The following RYR2 variants were observed in gnomAD, a reference collection of about 807,000 sequenced individuals.
The protein encoded by RYR2 is cardiac muscle ryanodine receptor-calcium release channel.
In RYR2, 227 loss-of-function variants were observed where a neutral mutation model predicts 601.1. The observed-to-expected ratio is 0.38, with a 90% CI of 0.34 to 0.42. RYR2 has a LOEUF of 0.42. Ranked by LOEUF, RYR2 falls within the 10% of genes least tolerant of loss-of-function variation. The pLI is 1.00. For missense variants in RYR2, 4,646 were observed against 6,156.5 expected (o/e 0.75, Z 8.21); for synonymous variants, 2,223 against 2,175.1 (o/e 1.02, Z -0.61).
chr1:237,801,835 T>TG, intron 97 of RYR2, 21 bp from the exon 98 acceptor site: 1 of 1,364,238 alleles, frequency 7.3e-7, no homozygotes, highest in Non-Finnish European at 1.0e-6. Flanking sequence ...AACTACGCAT[T>TG]TTTTTTTTTT....
At chr1:237,214,154 C>A (rs1328674621) in intron 1 of RYR2, among the ~76,000 whole-genome samples, 3 of 152,110 alleles carry the variant, frequency 2.0e-5, no homozygotes, top group Non-Finnish European at 4.4e-5. Context: ...CTCCTGACCT[C>A]AAATGATCCA....
chr1:237,559,056 G>A (rs188025771), intron 27 of RYR2, among the ~76,000 whole-genome samples: 45 of 150,430 alleles, frequency 3.0e-4, no homozygotes, highest in South Asian at 8.4e-4. Flanking sequence ...GTGCAATGGC[G>A]TGATCTCGGC....
Position 237,526,935 on chromosome 1 carries a change from G to A in RYR2, c.2823-3492G>A, listed in dbSNP as rs187360547. On this transcript the variant is annotated intron_variant, in intron 24 of 104. Coordinates refer to ENST00000366574, the MANE Select transcript of RYR2 (RefSeq NM_001035.3). ...GAGTTTTTTCTAGGTTTTCTTCTAG[G>A]TCTTACATTTATATCTTTAATCCAT... 5.2e-3 allele frequency among the ~76,000 whole-genome samples: 795 copies of A among 152,196 alleles called. 6 individuals are homozygous for A. Among genetic ancestry groups the A allele is most frequent in the Non-Finnish European group, 8.5e-3 (577 of 68,002 alleles).
At chr1:237,667,427 G>C (rs1230505784) in intron 57 of RYR2, among the ~76,000 whole-genome samples, 1 of 152,170 alleles carries the variant, frequency 6.6e-6, no homozygotes, top group Non-Finnish European at 1.5e-5. Flanking sequence ...AAAGGTCACA[G>C]AAAGATTAAC....
At position 237,301,722 on chromosome 1, in the gene RYR2, A is replaced by G. The variant is rs995112981; in HGVS notation, c.169-29156A>G. 2.0e-5 allele frequency among the ~76,000 whole-genome samples: 3 copies of G among 152,214 alleles called. No individual in the cohort carries two copies. The East Asian group carries it at 5.8e-4, about 29-fold the overall frequency. On this transcript the variant is annotated intron_variant, in intron 2 of 104. Transcript: ENST00000366574. ...AATAATGACTTTAGATCTGTAGTCT[A>G]TCCAGAGTTAAAGTGCTTGCCTTTT...
rs540826283 is a variant in RYR2, at chr1:237,684,804, G to A, written c.9018-2651G>A. Among the ~76,000 whole-genome samples, 518 of 151,774 alleles carry A rather than the reference G, an allele frequency of 3.4e-3. 1 individual carries two copies. Among genetic ancestry groups the A allele is most frequent in the Middle Eastern group, 6.8e-3 (2 of 294 alleles). ...ATATATATATAATGCTTGAAGCTCC[G>A]AGGAAGTAGATAAAACTGAAGGAGA... On this transcript the variant is annotated intron_variant, in intron 62 of 104. Coordinates refer to ENST00000366574, the MANE Select transcript of RYR2 (RefSeq NM_001035.3).
rs1308250386 is a variant in RYR2 at position 237,709,036 on chromosome 1, C to T, written c.10080C>T (p.Thr3360=). The T allele has an allele frequency of 1.2e-6, 2 of 1,612,096 alleles. No homozygotes were observed. The highest frequency in any genetic ancestry group is 2.2e-5 in the East Asian group (1 of 44,850). ...EAELLILDEF[T]TLARDLYAFY... is the part of the protein sequence containing the mutation. ...AACTCCTCATCCTAGATGAGTTCAC[C>T]ACACTGGCCAGAGATCTCTATGCCT... The change falls in exon 69 of 105, where the codon ACC becomes ACT. Residue 3360 remains threonine (T), a synonymous_variant. Transcript: ENST00000366574.
At chr1:237,447,662 T>C (rs1657534772) in intron 14 of RYR2, among the ~76,000 whole-genome samples, 1 of 152,150 alleles carries the variant, frequency 6.6e-6, no homozygotes, top group Non-Finnish European at 1.5e-5. Flanking sequence ...TGAATGCTGA[T>C]ATTATTGAGA....
intron 97 of RYR2, 23 bp from the exon 98 acceptor site, chr1:237,801,832 CA>C: frequency 7.0e-7 from 1 of 1,431,734 alleles, no homozygotes; most frequent in East Asian, 2.4e-5. Context: ...CATAACTACG[CA>C]TTTTTTTTTT....
At chr1:237,222,922 C>T (rs969579962) in intron 1 of RYR2, among the ~76,000 whole-genome samples, 2 of 151,998 alleles carry the variant, frequency 1.3e-5, no homozygotes, top group Non-Finnish European at 2.9e-5. Flanking sequence ...AAAATTATCC[C>T]GGCATGGTGG....
At chr1:237,384,662 C>G (rs1018818394) in intron 8 of RYR2, among the ~76,000 whole-genome samples, 9 of 152,186 alleles carry the variant, frequency 5.9e-5, no homozygotes, top group Non-Finnish European at 1.3e-4. Flanking sequence ...TCTACATACT[C>G]AAATCCAATG....
intron 37 of RYR2, 131 bp from the exon 38 acceptor site, chr1:237,617,155 A>G (rs1678567787): frequency 3.5e-6 from 3 of 858,272 alleles, no homozygotes; most frequent in East Asian, 2.7e-5. Context: ...ATTGCTGCCT[A>G]TACAAAATCA....
intron 2 of RYR2, among the ~76,000 whole-genome samples, chr1:237,275,266 AT>A (rs527505386): frequency 5.5e-4 from 84 of 152,208 alleles, no homozygotes; most frequent in Admixed American, 3.8e-3. Flanking sequence ...ATAAACAATT[AT>A]AAGTGAGTTT....
intron 8 of RYR2, among the ~76,000 whole-genome samples, chr1:237,384,920 G>A (rs755428297): frequency 2.0e-5 from 3 of 151,426 alleles, no homozygotes; most frequent in East Asian, 1.9e-4. Context: ...AAGTAGTCTC[G>A]CTCTTTTCGC....
intron 20 of RYR2, among the ~76,000 whole-genome samples, chr1:237,500,369 T>C (rs1301943226): frequency 6.6e-6 from 1 of 152,108 alleles, no homozygotes; most frequent in East Asian, 1.9e-4. Flanking sequence ...TAGTAGATGG[T>C]AAGGTAGCTA....
At chr1:237,117,906 C>T (rs1008711255) in intron 1 of RYR2, among the ~76,000 whole-genome samples, 3 of 152,034 alleles carry the variant, frequency 2.0e-5, no homozygotes, top group Non-Finnish European at 4.4e-5. Context: ...CACCACGCCT[C>T]ACTAATTTTT....
rs116790897 is a variant in RYR2, at chr1:237,534,603, C to T, written c.2906+4093C>T. Among the ~76,000 whole-genome samples the T allele has an allele frequency of 9.3e-3, 1,418 of 152,004 alleles. 24 individuals carry two copies. Among genetic ancestry groups the T allele is most frequent in the African/African-American group, 0.032 (1,338 of 41,526 alleles). ...AGCAAAAATAACAAATCATGACACA[C>T]TTAGACATTTAAAAATATACTTCTA... On this transcript the variant is annotated intron_variant, in intron 25 of 104. Coordinates refer to ENST00000366574, the MANE Select transcript of RYR2 (RefSeq NM_001035.3).
At chr1:237,471,106 A>G (rs1167889634) in intron 17 of RYR2, 1 of 154,420 alleles carries the variant, frequency 6.5e-6, no homozygotes, top group Non-Finnish European at 1.5e-5. Flanking sequence ...TCTTATGCAA[A>G]CAGGCTTTCC....
At chr1:237,333,607 G>A (rs574200739) in intron 3 of RYR2, 57 of 456,042 alleles carry the variant, frequency 1.2e-4, no homozygotes, top group Non-Finnish European at 2.3e-4. Context: ...TCATAAGGAT[G>A]TGCACCAGCT....
Sources: gnomAD v4.1 joint callset for allele counts (sites outside exome capture counted in the v4.1 genomes callset) on GRCh38, gnomAD v4.1.1 for gene constraint, MANE v1.5 for transcripts, NCBI Gene and HGNC (gene_info 2026-07-23, HGNC 2026-07-21) for gene names.